Variants in MAGI1 observed in about 807,000 individuals in gnomAD.
MAGI1 encodes membrane-associated guanylate kinase, WW and PDZ domain-containing protein 1.
A neutral mutation model predicts 139.9 loss-of-function variants in MAGI1; 58 were observed. The ratio of observed to expected loss-of-function variants is 0.41; its 90% CI spans 0.34 to 0.52. The LOEUF is 0.52. Ranked by LOEUF, MAGI1 falls within the 20% of genes least tolerant of loss-of-function variation. MAGI1 has a pLI of 0.12. For missense variants in MAGI1, 1,874 were observed against 1,901.6 expected, an observed-to-expected ratio of 0.99 and a Z score of 0.27; for synonymous variants, 812 against 737.9, an observed-to-expected ratio of 1.10 and a Z score of -1.63.
intron 10 of MAGI1, among the ~76,000 whole-genome samples, chr3:65,431,176 A>G (rs571647633): frequency 1.3e-5 from 2 of 152,270 alleles, no homozygotes; most frequent in South Asian, 4.1e-4. Context: ...CCATTCATGC[A>G]CTTTGACAGG....
At chr3:65,793,637 T>G (rs932061925) in intron 1 of MAGI1, among the ~76,000 whole-genome samples, 1 of 152,208 alleles carries the variant, frequency 6.6e-6, no homozygotes, top group Non-Finnish European at 1.5e-5. Context: ...GTTGAGATAC[T>G]GATGAAAGCA....
chr3:65,932,921 C>T (rs1368865952), intron 1 of MAGI1, among the ~76,000 whole-genome samples: 1 of 152,224 alleles, frequency 6.6e-6, no homozygotes, highest in Non-Finnish European at 1.5e-5. Context: ...CTACATTACT[C>T]TATACCAGAC....
At chr3:65,360,526 T>G in intron 22 of MAGI1, 1 of 983,742 alleles carries the variant, frequency 1.0e-6, no homozygotes, top group Non-Finnish European at 1.2e-6. Context: ...GCTTTCCTCA[T>G]AGGAAAGGTA....
intron 1 of MAGI1, among the ~76,000 whole-genome samples, chr3:65,822,221 G>A (rs1234004665): frequency 6.6e-6 from 1 of 152,154 alleles, no homozygotes; most frequent in East Asian, 1.9e-4. Context: ...TAGATAAAAA[G>A]AAACATAAAA....
chr3:65,962,896 C>A (rs1258195233), intron 1 of MAGI1, among the ~76,000 whole-genome samples: 19 of 89,944 alleles, frequency 2.1e-4, no homozygotes, highest in African/African-American at 3.5e-4. Context: ...AAGAAAGTCA[C>A]AAAAAAATGA....
At chr3:65,431,012 G>GA (rs1460381907) in intron 10 of MAGI1, 131 bp from the exon 11 acceptor site, 8 of 815,516 alleles carry the variant, frequency 9.8e-6, no homozygotes, top group Non-Finnish European at 1.3e-5. Flanking sequence ...AGCATCTTAA[G>GA]AAAGTCCTCT....
At chr3:65,703,272 G>A (rs375234060) in intron 1 of MAGI1, among the ~76,000 whole-genome samples, 6 of 152,300 alleles carry the variant, frequency 3.9e-5, no homozygotes, top group East Asian at 1.9e-4. Context: ...CACCACAAGG[G>A]CATCTGCTGG....
At chr3:65,592,506 G>A (rs1466044376) in intron 2 of MAGI1, among the ~76,000 whole-genome samples, 2 of 152,134 alleles carry the variant, frequency 1.3e-5, no homozygotes, top group East Asian at 1.9e-4. Flanking sequence ...CAAGAATAAG[G>A]TAGGATATTT....
chr3:65,357,807 C>T (rs1309000860), intron 22 of MAGI1, among the ~76,000 whole-genome samples: 1 of 152,146 alleles, frequency 6.6e-6, no homozygotes, highest in Non-Finnish European at 1.5e-5. Context: ...ACAGAGGCAA[C>T]ATGCTGGCCA....
At chr3:65,438,878 T>C (rs971690386) in intron 9 of MAGI1, among the ~76,000 whole-genome samples, 1 of 152,236 alleles carries the variant, frequency 6.6e-6, no homozygotes, top group Non-Finnish European at 1.5e-5. Context: ...CTGAGGTGAG[T>C]AGTTCTAACA....
At chr3:65,880,440 A>C (rs1480224537) in intron 1 of MAGI1, among the ~76,000 whole-genome samples, 1 of 152,176 alleles carries the variant, frequency 6.6e-6, no homozygotes, top group East Asian at 1.9e-4. Context: ...CCTGTCAGGA[A>C]GGACTCCATG....
At chr3:66,037,784 G>A (rs551169832) in intron 1 of MAGI1, among the ~76,000 whole-genome samples, 1 of 152,298 alleles carries the variant, frequency 6.6e-6, no homozygotes, top group South Asian at 2.1e-4. Flanking sequence ...CCGCTACCTT[G>A]CGCAAACCCA....
chr3:65,402,647 C>T (rs1350431758), intron 12 of MAGI1, among the ~76,000 whole-genome samples: 5 of 152,044 alleles, frequency 3.3e-5, no homozygotes, highest in Non-Finnish European at 5.9e-5. Context: ...GTGTGACGAT[C>T]TCAACTCTTT....
chr3:65,437,074 G>C (rs1479831212), intron 10 of MAGI1, 81 bp downstream of exon 10: 6 of 842,864 alleles, frequency 7.1e-6, no homozygotes, highest in Middle Eastern at 2.4e-4. Flanking sequence ...GGAGTTACGA[G>C]ATTCCACTTT....
chr3:65,869,269 A>AC (rs1356915540), intron 1 of MAGI1, among the ~76,000 whole-genome samples: 6 of 151,346 alleles, frequency 4.0e-5, no homozygotes, highest in African/African-American at 1.2e-4. Flanking sequence ...AAAAAAAAAA[A>AC]AACAACAACT....
chr3:65,741,897 C>T (rs2035304932), intron 1 of MAGI1, among the ~76,000 whole-genome samples: 1 of 152,132 alleles, frequency 6.6e-6, no homozygotes, highest in South Asian at 2.1e-4. Flanking sequence ...ATTTTAATCA[C>T]CCATTCATTC....
chr3:65,602,361 T>C (rs1475626405), intron 2 of MAGI1, among the ~76,000 whole-genome samples: 1 of 152,134 alleles, frequency 6.6e-6, no homozygotes, highest in East Asian at 1.9e-4. Flanking sequence ...GAGGATACTA[T>C]TGGGCAATAA....
At chr3:65,956,654 T>C (rs754268282) in intron 1 of MAGI1, among the ~76,000 whole-genome samples, 2 of 152,138 alleles carry the variant, frequency 1.3e-5, no homozygotes, top group Non-Finnish European at 2.9e-5. Flanking sequence ...TGGAAACCCA[T>C]AGACTACTCG....
intron 1 of MAGI1, among the ~76,000 whole-genome samples, chr3:65,782,240 G>T (rs2038991602): frequency 6.6e-6 from 1 of 152,028 alleles, no homozygotes; most frequent in African/African-American, 2.4e-5. Context: ...TATCTGGGTG[G>T]GCCCAATATA....
Sources: gnomAD v4.1 joint callset for allele counts (sites outside exome capture counted in the v4.1 genomes callset) on GRCh38, gnomAD v4.1.1 for gene constraint, MANE v1.5 for transcripts, NCBI Gene and HGNC (gene_info 2026-07-23, HGNC 2026-07-21) for gene names.